The following PLCL2 variants were observed in gnomAD, a reference collection of about 807,000 sequenced individuals.
The protein encoded by PLCL2 is phospholipase C like 2.
Under a neutral mutation model 79.6 loss-of-function variants are expected in PLCL2, and 4 were observed. That is an observed-to-expected ratio of 0.05 (90% CI 0.02 to 0.11). The LOEUF (loss-of-function observed/expected upper bound fraction) is 0.11, where lower values mean the gene tolerates loss of function less well. Ranked by LOEUF, PLCL2 falls within the 10% of genes least tolerant of loss-of-function variation. The pLI is 1.00. For missense variants in PLCL2, 895 were observed against 1,291.0 expected (o/e 0.69, Z 4.70); for synonymous variants, 484 against 457.7 (o/e 1.06, Z -0.73).
intron 4 of PLCL2, among the ~76,000 whole-genome samples, chr3:17,067,273 A>G (rs1207211549): frequency 2.0e-5 from 3 of 152,220 alleles, no homozygotes; most frequent in Non-Finnish European, 4.4e-5. Context: ...GTGATTAGGA[A>G]TTAAGATTTT....
chr3:16,964,985 A>T (rs1354096015), intron 1 of PLCL2, among the ~76,000 whole-genome samples: 2 of 151,996 alleles, frequency 1.3e-5, no homozygotes, highest in South Asian at 2.1e-4. Context: ...GTTCACTCTG[A>T]TGGTAGTTTC....
intron 5 of PLCL2, among the ~76,000 whole-genome samples, chr3:17,076,596 G>A (rs1187772569): frequency 2.0e-5 from 3 of 151,908 alleles, no homozygotes; most frequent in African/African-American, 7.3e-5. Context: ...TCAACCTTCT[G>A]GGCCGAAATG....
chr3:16,979,929 C>T (rs1035459908), intron 1 of PLCL2, among the ~76,000 whole-genome samples: 1 of 150,638 alleles, frequency 6.6e-6, no homozygotes, highest in East Asian at 2.0e-4. Context: ...CAGAGGCGAC[C>T]CTCACCTCCC....
intron 1 of PLCL2, among the ~76,000 whole-genome samples, chr3:16,983,231 A>G (rs1330913149): frequency 6.6e-6 from 1 of 151,604 alleles, no homozygotes; most frequent in Admixed American, 6.6e-5. Context: ...GCAGTCCCTA[A>G]CTAATCCATT....
At chr3:16,898,254 G>A (rs1696530675) in intron 1 of PLCL2, among the ~76,000 whole-genome samples, 1 of 152,074 alleles carries the variant, frequency 6.6e-6, no homozygotes, top group Non-Finnish European at 1.5e-5. Context: ...TAAATGGGAG[G>A]TGTAGTAGAA....
intron 1 of PLCL2, among the ~76,000 whole-genome samples, chr3:16,916,658 CTATG>C (rs1697002751): frequency 6.6e-6 from 1 of 152,120 alleles, no homozygotes; most frequent in Non-Finnish European, 1.5e-5. Flanking sequence ...TCATATAATG[CTATG>C]ATCTTTTTAA....
At chr3:17,086,394 A>G (rs1009744240) in intron 5 of PLCL2, among the ~76,000 whole-genome samples, 1 of 152,258 alleles carries the variant, frequency 6.6e-6, no homozygotes, top group Admixed American at 6.5e-5. Context: ...TGAAAAATTC[A>G]GTCTAGGCAC....
chr3:16,933,802 T>C (rs977638541), intron 1 of PLCL2, among the ~76,000 whole-genome samples: 10 of 152,122 alleles, frequency 6.6e-5, no homozygotes, highest in Admixed American at 4.6e-4. Context: ...GTGTGGTGGC[T>C]CATGTCTGTA....
intron 1 of PLCL2, among the ~76,000 whole-genome samples, chr3:17,003,017 A>G (rs1368091379): frequency 1.3e-5 from 2 of 151,708 alleles, no homozygotes; most frequent in Non-Finnish European, 2.9e-5. Context: ...CACTTTTTCC[A>G]CTAGATCTTT....
At chr3:17,063,726 C>G (rs1382028709) in intron 4 of PLCL2, among the ~76,000 whole-genome samples, 2 of 152,196 alleles carry the variant, frequency 1.3e-5, no homozygotes, top group Non-Finnish European at 2.9e-5. Context: ...ACAGTCTCCA[C>G]TTTTGCCTGT....
At chr3:17,086,631 A>C (rs921964182) in intron 5 of PLCL2, among the ~76,000 whole-genome samples, 1 of 152,246 alleles carries the variant, frequency 6.6e-6, no homozygotes, top group Non-Finnish European at 1.5e-5. Flanking sequence ...CAATGTCAAG[A>C]GAATGAGAAG....
intron 5 of PLCL2, among the ~76,000 whole-genome samples, chr3:17,084,275 G>A (rs1027357991): frequency 3.4e-4 from 52 of 152,146 alleles, no homozygotes; most frequent in African/African-American, 1.3e-3. Context: ...TATCTATTAA[G>A]GAAATCAAAT....
intron 4 of PLCL2, among the ~76,000 whole-genome samples, chr3:17,051,893 A>C (rs547731818): frequency 1.4e-4 from 21 of 152,270 alleles, no homozygotes; most frequent in Middle Eastern, 3.4e-3. Flanking sequence ...GAACCCCATG[A>C]GTTCAACACT....
intron 5 of PLCL2, among the ~76,000 whole-genome samples, chr3:17,083,012 C>T (rs2065179546): frequency 6.6e-6 from 1 of 152,210 alleles, no homozygotes; most frequent in South Asian, 2.1e-4. Context: ...AGCCCTTACT[C>T]TGTACCTGGC....
At chr3:16,949,586 A>G (rs1051084623) in intron 1 of PLCL2, among the ~76,000 whole-genome samples, 9 of 152,008 alleles carry the variant, frequency 5.9e-5, no homozygotes, top group Non-Finnish European at 8.8e-5. Flanking sequence ...GACTTTGTTT[A>G]TAGTATCTTT....
At chr3:16,943,250 C>T (rs2063568320) in intron 1 of PLCL2, among the ~76,000 whole-genome samples, 1 of 152,142 alleles carries the variant, frequency 6.6e-6, no homozygotes, top group Non-Finnish European at 1.5e-5. Context: ...AAAGTTGATT[C>T]TCTGAGTCTA....
chr3:17,037,201 G>T (rs2064667467), intron 3 of PLCL2, among the ~76,000 whole-genome samples: 1 of 152,142 alleles, frequency 6.6e-6, no homozygotes. Flanking sequence ...CTTTGGTCCA[G>T]TCCTCCCAAG....
intron 3 of PLCL2, among the ~76,000 whole-genome samples, chr3:17,015,709 A>G (rs902014205): frequency 1.3e-5 from 2 of 152,052 alleles, no homozygotes; most frequent in Non-Finnish European, 2.9e-5. Context: ...CTCATCTGCT[A>G]CCTCCTCCAC....
At chr3:16,971,967 C>G (rs1401422074) in intron 1 of PLCL2, among the ~76,000 whole-genome samples, 2 of 151,944 alleles carry the variant, frequency 1.3e-5, no homozygotes, top group Non-Finnish European at 2.9e-5. Flanking sequence ...AGGCCTTTGA[C>G]AAAATTCAAC....
Sources: gnomAD v4.1 joint callset for allele counts (sites outside exome capture counted in the v4.1 genomes callset) on GRCh38, gnomAD v4.1.1 for gene constraint, MANE v1.5 for transcripts, NCBI Gene and HGNC (gene_info 2026-07-23, HGNC 2026-07-21) for gene names.